CPNE4: variants seen among roughly 807,000 people sequenced by gnomAD.
CPNE4 encodes the protein copine-4.
In CPNE4, 25 loss-of-function variants were observed where a neutral mutation model predicts 67.9. That is an observed-to-expected ratio of 0.37 (90% CI 0.27 to 0.51). The LOEUF (loss-of-function observed/expected upper bound fraction) is 0.51. Ranked by LOEUF, CPNE4 falls within the 20% of genes least tolerant of loss-of-function variation. CPNE4 has a pLI of 0.93. For missense variants in CPNE4, 464 were observed against 690.8 expected, an observed-to-expected ratio of 0.67 and a Z score of 3.68; for synonymous variants, 242 against 244.9, an observed-to-expected ratio of 0.99 and a Z score of 0.11.
Position 131,700,000 on chromosome 3 carries a change from A to G in CPNE4, c.361-20T>C, listed in dbSNP as rs2081253735. 6.3e-7 allele frequency: 1 copy of G among 1,579,194 alleles called. No individual in the cohort carries two copies. The highest frequency in any genetic ancestry group is 8.7e-7 in the Non-Finnish European group (1 of 1,152,116). ...AACAATCTGCAAAAAAGGAAACAAAAGGTAACAAAAGGTAGAGATACTAGT... is the reference window on the plus strand; with the variant it reads ...AACAATCTGCAAAAAAGGAAACAAAGGGTAACAAAAGGTAGAGATACTAGT... On this transcript the variant is annotated intron_variant, in intron 3 of 15. Coordinates refer to ENST00000429747, the MANE Select transcript of CPNE4 (RefSeq NM_130808.3).
intron 2 of CPNE4, among the ~76,000 whole-genome samples, chr3:131,810,059 A>G (rs72985896): frequency 0.032 from 4,883 of 152,136 alleles, 125 homozygotes; most frequent in African/African-American, 0.076. Flanking sequence ...TAAACATATA[A>G]TGATATTAAT....
At chr3:132,002,594 TTG>T (rs2073484162) in intron 1 of CPNE4, among the ~76,000 whole-genome samples, 1 of 152,130 alleles carries the variant, frequency 6.6e-6, no homozygotes, top group African/African-American at 2.4e-5. Flanking sequence ...AGTTTGCAGT[TTG>T]TGAAAATATG....
chr3:131,635,338 G>C (rs980700930), intron 7 of CPNE4, among the ~76,000 whole-genome samples: 2 of 152,042 alleles, frequency 1.3e-5, no homozygotes, highest in African/African-American at 4.8e-5. Context: ...TGTTTAAAAA[G>C]ACTATTCTAG....
chr3:131,684,297 G>A (rs549001698), intron 6 of CPNE4, among the ~76,000 whole-genome samples: 6 of 152,120 alleles, frequency 3.9e-5, no homozygotes, highest in African/African-American at 1.4e-4. Flanking sequence ...GAAACTTAAC[G>A]GGTGAAAGAC....
intron 13 of CPNE4, among the ~76,000 whole-genome samples, 171 bp from the exon 14 acceptor site, chr3:131,550,251 C>A (rs1936098048): frequency 6.6e-6 from 1 of 152,070 alleles, no homozygotes; most frequent in Non-Finnish European, 1.5e-5. Context: ...TGTCTCCTTC[C>A]CCACTGAAAT....
intron 7 of CPNE4, among the ~76,000 whole-genome samples, chr3:131,613,041 T>G (rs1175454812): frequency 6.6e-6 from 1 of 152,152 alleles, no homozygotes; most frequent in Non-Finnish European, 1.5e-5. Context: ...TTCAGAGACA[T>G]TTGGTTTGAA....
intron 1 of CPNE4, among the ~76,000 whole-genome samples, chr3:131,920,670 A>C (rs1464425968): frequency 6.6e-5 from 10 of 152,186 alleles, no homozygotes; most frequent in Non-Finnish European, 1.5e-4. Flanking sequence ...ATAAGAAAAA[A>C]AATCTCCGGA....
intron 1 of CPNE4, among the ~76,000 whole-genome samples, chr3:131,992,529 G>C (rs1163476709): frequency 7.3e-6 from 1 of 136,408 alleles, no homozygotes; most frequent in African/African-American, 2.5e-5. Flanking sequence ...CAGGCTCATA[G>C]GTGGAAGGGA....
intron 2 of CPNE4, among the ~76,000 whole-genome samples, chr3:131,770,399 C>T (rs1012653765): frequency 2.0e-5 from 3 of 152,196 alleles, no homozygotes; most frequent in Admixed American, 6.5e-5. Context: ...TGTCTAATTG[C>T]GGGTATAGTG....
intron 2 of CPNE4, among the ~76,000 whole-genome samples, chr3:131,742,222 T>C (rs2082374838): frequency 6.6e-6 from 1 of 152,200 alleles, no homozygotes; most frequent in African/African-American, 2.4e-5. Flanking sequence ...TGCAACTCAC[T>C]GAAGGCCTGA....
At chr3:131,675,676 TA>T (rs1162633468) in intron 6 of CPNE4, among the ~76,000 whole-genome samples, 2 of 152,142 alleles carry the variant, frequency 1.3e-5, no homozygotes, top group East Asian at 3.8e-4. Context: ...TCCATCCTTT[TA>T]TTTTTAGTCT....
intron 7 of CPNE4, among the ~76,000 whole-genome samples, chr3:131,644,793 TA>T (rs1375825875): frequency 6.6e-6 from 1 of 152,096 alleles, no homozygotes; most frequent in African/African-American, 2.4e-5. Flanking sequence ...AGCAGGTACA[TA>T]AGAGGAGCAT....
chr3:131,801,335 A>ACATATATATATATGTAC (rs2084092649), intron 2 of CPNE4, among the ~76,000 whole-genome samples: 2 of 122,072 alleles, frequency 1.6e-5, no homozygotes, highest in African/African-American at 7.0e-5. Flanking sequence ...TGGAAACCAT[A>ACATATATATATATGTAC]CATATATATA....
chr3:131,952,805 G>A (rs547575442), intron 1 of CPNE4, among the ~76,000 whole-genome samples: 27 of 152,318 alleles, frequency 1.8e-4, no homozygotes, highest in Middle Eastern at 6.8e-3. Flanking sequence ...AGAAAGGGGG[G>A]AAAGGTGGGG....
intron 2 of CPNE4, among the ~76,000 whole-genome samples, chr3:131,902,140 G>T (rs953340838): frequency 1.3e-5 from 2 of 152,084 alleles, no homozygotes; most frequent in African/African-American, 4.8e-5. Flanking sequence ...TTGCTAAACT[G>T]CTTCTAGAAG....
At chr3:131,796,417 T>C (rs1409909935) in intron 2 of CPNE4, among the ~76,000 whole-genome samples, 1 of 152,210 alleles carries the variant, frequency 6.6e-6, no homozygotes, top group Non-Finnish European at 1.5e-5. Flanking sequence ...CATTCATTGA[T>C]TCTGGGCCTG....
chr3:131,715,583 C>T (rs1196776273), intron 3 of CPNE4, among the ~76,000 whole-genome samples: 1 of 152,188 alleles, frequency 6.6e-6, no homozygotes, highest in African/African-American at 2.4e-5. Flanking sequence ...GTAGTGCCTA[C>T]CTCTCAGGGA....
chr3:131,786,330 C>G (rs796608655), intron 2 of CPNE4, among the ~76,000 whole-genome samples: 1 of 152,214 alleles, frequency 6.6e-6, no homozygotes, highest in East Asian at 1.9e-4. Flanking sequence ...GCCAGAGTGA[C>G]TGGAAGTTTC....
intron 9 of CPNE4, among the ~76,000 whole-genome samples, chr3:131,579,757 T>C (rs1054494587): frequency 1.3e-5 from 2 of 152,224 alleles, no homozygotes; most frequent in African/African-American, 2.4e-5. Context: ...AGCCTGAAGA[T>C]GTGGCTGAAT....
Sources: gnomAD v4.1 joint callset for allele counts (sites outside exome capture counted in the v4.1 genomes callset) on GRCh38, gnomAD v4.1.1 for gene constraint, MANE v1.5 for transcripts, NCBI Gene and HGNC (gene_info 2026-07-23, HGNC 2026-07-21) for gene names.